SEL1L3: variants seen among roughly 807,000 people sequenced by gnomAD.
SEL1L3 encodes SEL1L family member 3.
Under a neutral mutation model 142.8 loss-of-function variants are expected in SEL1L3, and 76 were observed. The observed-to-expected ratio is 0.53, with a 90% CI of 0.44 to 0.64. The LOEUF is 0.64. Ranked by LOEUF, SEL1L3 falls within the 30% of genes least tolerant of loss-of-function variation. SEL1L3 has a pLI of 0.00. For missense variants in SEL1L3, 1,262 were observed against 1,381.7 expected (o/e 0.91, Z 1.37); for synonymous variants, 504 against 519.6 (o/e 0.97, Z 0.41).
chr4:25,789,630 T>C (rs1299056928), intron 12 of SEL1L3, among the ~76,000 whole-genome samples: 1 of 149,800 alleles, frequency 6.7e-6, no homozygotes, highest in Non-Finnish European at 1.5e-5. Flanking sequence ...GCTTTGTCAA[T>C]GCCTGTGACT....
At chr4:25,764,722 A>G (rs1452815221) in intron 20 of SEL1L3, among the ~76,000 whole-genome samples, 1 of 152,160 alleles carries the variant, frequency 6.6e-6, no homozygotes, top group African/African-American at 2.4e-5. Flanking sequence ...CATTTTGCTT[A>G]CCATTTGATT....
At chr4:25,820,293 C>A (rs981341996) in intron 7 of SEL1L3, among the ~76,000 whole-genome samples, 1 of 147,564 alleles carries the variant, frequency 6.8e-6, no homozygotes, top group Non-Finnish European at 1.5e-5. Flanking sequence ...GTACCCACGA[C>A]GTGCCTGCTG....
intron 6 of SEL1L3, among the ~76,000 whole-genome samples, chr4:25,825,279 C>A (rs1715016942): frequency 6.6e-6 from 1 of 152,082 alleles, no homozygotes; most frequent in Non-Finnish European, 1.5e-5. Flanking sequence ...ATATTTTTCT[C>A]CCGCAAAATT....
At chr4:25,757,123 C>T (rs531499410) in intron 23 of SEL1L3, among the ~76,000 whole-genome samples, 201 of 151,950 alleles carry the variant, frequency 1.3e-3, no homozygotes, top group Non-Finnish European at 2.5e-3. Context: ...CAAAAATTAG[C>T]CGGGTGTGGT....
intron 23 of SEL1L3, among the ~76,000 whole-genome samples, chr4:25,749,756 T>C (rs1329539012): frequency 1.3e-5 from 2 of 152,220 alleles, no homozygotes; most frequent in Admixed American, 1.3e-4. Flanking sequence ...GTGAGAAATA[T>C]CACGAACTGG....
the SEL1L3 span, among the ~76,000 whole-genome samples, chr4:25,736,841 T>A: frequency 7.6e-6 from 1 of 131,142 alleles, no homozygotes; most frequent in Non-Finnish European, 1.7e-5. Context: ...CATATATATA[T>A]ATTCCATCCT....
At chr4:25,810,091 G>A (rs1422633193) in intron 9 of SEL1L3, among the ~76,000 whole-genome samples, 6 of 152,172 alleles carry the variant, frequency 3.9e-5, no homozygotes, top group African/African-American at 7.2e-5. Context: ...CCAGGGAGCC[G>A]AGCCCAACCT....
intron 23 of SEL1L3, among the ~76,000 whole-genome samples, chr4:25,751,268 C>T (rs1224366948): frequency 6.6e-6 from 1 of 152,148 alleles, no homozygotes; most frequent in Non-Finnish European, 1.5e-5. Context: ...TGAGATGCAA[C>T]AGGTGAGGAA....
chr4:25,833,171 G>A, intron 4 of SEL1L3, 61 bp from the exon 5 acceptor site: 1 of 969,240 alleles, frequency 1.0e-6, no homozygotes, highest in Non-Finnish European at 1.7e-6. Flanking sequence ...GAATGAAGTA[G>A]CTAGGCCTTT....
chr4:25,784,366 A>T, intron 13 of SEL1L3, 76 bp from the exon 14 acceptor site: 1 of 1,133,796 alleles, frequency 8.8e-7, no homozygotes, highest in Non-Finnish European at 1.3e-6. Context: ...TTAGTGTTGG[A>T]TATAAAATAC....
chr4:25,811,777 T>C (rs1182433425), intron 9 of SEL1L3, among the ~76,000 whole-genome samples: 2 of 151,100 alleles, frequency 1.3e-5, no homozygotes, highest in Admixed American at 6.6e-5. Context: ...GTTGTTGTTG[T>C]TGTTAGTAGC....
At chr4:25,780,785 A>G (rs1325360183) in intron 15 of SEL1L3, among the ~76,000 whole-genome samples, 1 of 144,394 alleles carries the variant, frequency 6.9e-6, no homozygotes, top group Non-Finnish European at 1.5e-5. Flanking sequence ...AAAATAAAAT[A>G]CACATAAATA....
At chr4:25,835,664 T>A (rs771051984) in intron 2 of SEL1L3, among the ~76,000 whole-genome samples, 14 of 152,238 alleles carry the variant, frequency 9.2e-5, no homozygotes, top group Non-Finnish European at 1.6e-4. Context: ...ATTTCACATC[T>A]TGCCCTCTGA....
chr4:25,862,969 G>T lies in SEL1L3; in HGVS notation c.-133C>A. 1.9e-6 allele frequency: 1 copy of T among 537,510 alleles called. No individual in the cohort carries two copies. Among genetic ancestry groups the T allele is most frequent in the Non-Finnish European group, 2.4e-6 (1 of 425,254 alleles). The allele number at this position is 537,510 out of a possible 1,614,324, so 33.3% of individuals were successfully genotyped here. Reference sequence around the variant, plus strand: ...GCGGGGCCACCTGCCGCCACCTCCGGACCCGCCGCCGCCGCCACTGCCGCT... The same window carrying T: ...GCGGGGCCACCTGCCGCCACCTCCGTACCCGCCGCCGCCGCCACTGCCGCT... On this transcript the variant is annotated 5_prime_UTR_variant, in exon 1 of 24. Transcript: ENST00000399878.
chr4:25,780,918 G>A (rs1026611108), intron 15 of SEL1L3, among the ~76,000 whole-genome samples: 19 of 150,918 alleles, frequency 1.3e-4, no homozygotes, highest in African/African-American at 4.1e-4. Flanking sequence ...CTCTGCCTCC[G>A]GGGTTCCAGT....
rs756987423 is a variant in SEL1L3 at position 25,832,990 on chromosome 4, G to T, written c.1098+5C>A. On this transcript the variant is annotated splice_donor_5th_base_variant and intron_variant, in intron 5 of 23. Transcript: ENST00000399878. ...TGTCGTGTGATGAAGCGTGCATACA[G>T]ATACCTGGCCTCCGTTAAAAGAGAT... 5.9e-6 allele frequency: 9 copies of T among 1,534,588 alleles called. No homozygotes were observed. Among genetic ancestry groups the T allele is most frequent in the Non-Finnish European group, 7.2e-6 (8 of 1,107,714 alleles).
At chr4:25,734,662 G>A in the SEL1L3 span, among the ~76,000 whole-genome samples, 5 of 151,838 alleles carry the variant, frequency 3.3e-5, no homozygotes, top group South Asian at 6.2e-4. Flanking sequence ...TCTGCCTCCC[G>A]GATCCAAGTG....
intron 13 of SEL1L3, among the ~76,000 whole-genome samples, chr4:25,786,956 C>T (rs1053819821): frequency 3.3e-5 from 5 of 152,128 alleles, no homozygotes; most frequent in Non-Finnish European, 5.9e-5. Context: ...ATGGGCCTGG[C>T]CTTGTTTGAA....
At chr4:25,762,383 A>C (rs1718430755) in intron 20 of SEL1L3, among the ~76,000 whole-genome samples, 1 of 152,236 alleles carries the variant, frequency 6.6e-6, no homozygotes, top group South Asian at 2.1e-4. Context: ...CACAAGAGGA[A>C]ACCACCTCCA....
Sources: gnomAD v4.1 joint callset for allele counts (sites outside exome capture counted in the v4.1 genomes callset) on GRCh38, gnomAD v4.1.1 for gene constraint, MANE v1.5 for transcripts, NCBI Gene and HGNC (gene_info 2026-07-23, HGNC 2026-07-21) for gene names.